TFDP2: variants seen among roughly 807,000 people sequenced by gnomAD.
TFDP2 encodes the protein transcription factor Dp-2 (E2F dimerization partner 2).
Under a neutral mutation model 59.3 loss-of-function variants are expected in TFDP2, and 17 were observed. The observed-to-expected ratio is 0.29, with a 90% confidence interval of 0.20 to 0.43. The LOEUF (loss-of-function observed/expected upper bound fraction) is 0.43. Ranked by LOEUF, TFDP2 falls within the 20% of genes least tolerant of loss-of-function variation. The probability of loss-of-function intolerance (pLI) is 1.00; values close to 1 mark genes in which losing one functional copy is unlikely to be tolerated. For synonymous variants in TFDP2, 180 were observed against 194.7 expected, an observed-to-expected ratio of 0.92 and a Z score of 0.63; for missense variants, 391 against 528.8, an observed-to-expected ratio of 0.74 and a Z score of 2.56.
intron 8 of TFDP2, among the ~76,000 whole-genome samples, chr3:141,971,224 T>C (rs79218285): frequency 0.075 from 11,313 of 151,316 alleles, 521 homozygotes; most frequent in Non-Finnish European, 0.11. Context: ...CCAATGACAT[T>C]TATTAAGAAA....
In TFDP2 at chr3:142,121,286, C is replaced by T. The variant is rs538218617; in HGVS notation, c.-92-19445G>A. Among the ~76,000 whole-genome samples the T allele has an allele frequency of 1.5e-4, 23 of 152,238 alleles. No individual in the cohort carries two copies. The highest frequency in any genetic ancestry group is 4.8e-4 in the African/African-American group (20 of 41,540). On this transcript the variant is annotated intron_variant, in intron 1 of 12. Coordinates refer to ENST00000489671, the MANE Select transcript of TFDP2 (RefSeq NM_001178139.2). This position sits in a 1 kb window ranked among gnomAD's most constrained non-coding sequence, Gnocchi z 4.3. ...ATTGTGCTCTACCCAAGAGACATAA[C>T]GGAGTCCCACCCTTCAAGAAGTTCA...
intron 3 of TFDP2, among the ~76,000 whole-genome samples, chr3:142,068,277 A>C (rs2060136540): frequency 6.6e-6 from 1 of 152,204 alleles, no homozygotes; most frequent in South Asian, 2.1e-4. Flanking sequence ...ATAAAAATCC[A>C]AAATGGATTC....
At chr3:141,975,244 TC>T (rs1940451999) in intron 7 of TFDP2, among the ~76,000 whole-genome samples, 2 of 152,070 alleles carry the variant, frequency 1.3e-5, no homozygotes, top group Admixed American at 1.3e-4. Context: ...TAAGACTTAA[TC>T]AAGGAAACCA....
In TFDP2 at chr3:142,131,959, T is replaced by TTG. The variant is rs1275282486; in HGVS notation, c.-93+17223_-93+17224insCA. 1.8e-4 allele frequency among the ~76,000 whole-genome samples: 24 copies of TTG among 132,886 alleles called. 3 individuals are homozygous for TTG. The highest frequency in any genetic ancestry group is 7.2e-4 in the African/African-American group (23 of 31,818). The allele number at this position is 132,886 out of a possible 152,430, so 87.2% of individuals were successfully genotyped here. On this transcript the variant is annotated intron_variant, in intron 1 of 12. Transcript: ENST00000489671. The stretch of plus-strand genomic sequence containing the variant: ...AGGCAGAGGTTGCAGTGAGCCAAAA[T>TTG]CGCTTCATTGCACTCGTCTGGGCAA...
At chr3:142,088,645 C>G (rs1004164645) in intron 3 of TFDP2, among the ~76,000 whole-genome samples, 4 of 138,206 alleles carry the variant, frequency 2.9e-5, no homozygotes, top group African/African-American at 8.3e-5. Context: ...GGGTCATGCT[C>G]TGTCACCCAG....
intron 3 of TFDP2, among the ~76,000 whole-genome samples, chr3:142,034,225 A>AGCTGGGATT (rs1334711557): frequency 2.0e-5 from 3 of 151,222 alleles, no homozygotes; most frequent in Non-Finnish European, 4.4e-5. Flanking sequence ...CCTCCAGAGT[A>AGCTGGGATT]GCTGGGATTA....
rs111610535 is a variant in TFDP2, at chr3:142,001,990, G to T, written c.186+3451C>A. On this transcript the variant is annotated intron_variant, in intron 4 of 12. Coordinates refer to ENST00000489671, the MANE Select transcript of TFDP2 (RefSeq NM_001178139.2). Reference sequence around the variant, plus strand: ...GAGTGGCTAGGTGCCACCATGCCTGGTTTTTTTTTTTTTTTTTTGTCTGAG... The same window carrying T: ...GAGTGGCTAGGTGCCACCATGCCTGTTTTTTTTTTTTTTTTTTTGTCTGAG... Among the ~76,000 whole-genome samples, 328 of 116,776 alleles carry T rather than the reference G, an allele frequency of 2.8e-3. 9 individuals are homozygous for T. The highest frequency in any genetic ancestry group is 0.016 in the South Asian group (62 of 3,840). The allele number at this position is 116,776 out of a possible 152,430, so 76.6% of individuals were successfully genotyped here.
chr3:142,035,255 C>T (rs1231627554), intron 3 of TFDP2, among the ~76,000 whole-genome samples: 2 of 152,186 alleles, frequency 1.3e-5, no homozygotes, highest in East Asian at 3.8e-4. Flanking sequence ...ATATGGATTC[C>T]TGCTTAAAAA....
At chr3:142,086,597 G>A (rs1477238419) in intron 3 of TFDP2, among the ~76,000 whole-genome samples, 1 of 152,092 alleles carries the variant, frequency 6.6e-6, no homozygotes, top group Non-Finnish European at 1.5e-5. Flanking sequence ...GGCAAGGTAT[G>A]GAAGGGCTCC....
Position 141,950,198 on chromosome 3 carries a change from C to G in TFDP2, c.*2315G>C, listed in dbSNP as rs1244941186. 3.3e-5 allele frequency: 5 copies of G among 152,168 alleles called. No individual in the cohort carries two copies. Among genetic ancestry groups the G allele is most frequent in the African/African-American group, 1.2e-4 (5 of 41,412 alleles). 9.4% of individuals were successfully genotyped at this position (152,168 alleles called of 1,614,324 possible). Reference sequence around the variant, plus strand: ...CCCAGATAAATGTTGAGGGGGAATACAGAAGAGAATTGACCTTTCTGAACA... The same window carrying G: ...CCCAGATAAATGTTGAGGGGGAATAGAGAAGAGAATTGACCTTTCTGAACA... On this transcript the variant is annotated 3_prime_UTR_variant, in exon 13 of 13. Coordinates refer to ENST00000489671, the MANE Select transcript of TFDP2 (RefSeq NM_001178139.2).
intron 1 of TFDP2, among the ~76,000 whole-genome samples, chr3:142,103,131 G>C (rs373491205): frequency 4.8e-4 from 73 of 152,154 alleles, no homozygotes; most frequent in African/African-American, 1.8e-3. Context: ...CTGGCTACTT[G>C]GGAGGTTGAG....
At chr3:142,131,685 T>A (rs558320253) in intron 1 of TFDP2, among the ~76,000 whole-genome samples, 1 of 150,268 alleles carries the variant, frequency 6.7e-6, no homozygotes, top group East Asian at 1.9e-4. Context: ...TAGTAAGAAA[T>A]GCGTAACGCC....
At chr3:142,055,971 T>G (rs1393685226) in intron 3 of TFDP2, among the ~76,000 whole-genome samples, 2 of 76,894 alleles carry the variant, frequency 2.6e-5, no homozygotes, top group Non-Finnish European at 4.8e-5. Context: ...TTTTTTTTTT[T>G]GAGACAGAGT....
chr3:142,018,122 C>T (rs960281542), intron 3 of TFDP2, among the ~76,000 whole-genome samples: 1 of 151,930 alleles, frequency 6.6e-6, no homozygotes, highest in African/African-American at 2.4e-5. Context: ...TTTATACTTT[C>T]AGTAGAGACA....
chr3:141,986,861 C>T (rs1375057894), intron 6 of TFDP2, among the ~76,000 whole-genome samples: 1 of 152,054 alleles, frequency 6.6e-6, no homozygotes, highest in African/African-American at 2.4e-5. Flanking sequence ...AGTGGTATTG[C>T]ACTGTGGTTT....
intron 3 of TFDP2, among the ~76,000 whole-genome samples, chr3:142,086,969 G>C (rs1038510315): frequency 1.3e-5 from 2 of 152,116 alleles, no homozygotes; most frequent in Non-Finnish European, 2.9e-5. Flanking sequence ...AAATTACAAA[G>C]GTCTTAGGAG....
intron 3 of TFDP2, among the ~76,000 whole-genome samples, chr3:142,019,963 A>G (rs1370212626): frequency 6.6e-6 from 1 of 152,250 alleles, no homozygotes; most frequent in African/African-American, 2.4e-5. Context: ...AAGTAGTGTC[A>G]GAGCATTTCC....
At chr3:142,029,845 T>C (rs568761455) in intron 3 of TFDP2, among the ~76,000 whole-genome samples, 3 of 152,328 alleles carry the variant, frequency 2.0e-5, no homozygotes, top group Non-Finnish European at 4.4e-5. Flanking sequence ...CAGTAGTGAA[T>C]GCAACAGACA....
chr3:142,019,052 CA>C (rs530782367), intron 3 of TFDP2, among the ~76,000 whole-genome samples: 1,968 of 56,644 alleles, frequency 0.035, 25 homozygotes, highest in Middle Eastern at 0.068. Flanking sequence ...ATTCTTCGCA[CA>C]TTTTTTTTTT....
Sources: allele counts gnomAD v4.1 joint callset (sites outside exome capture counted in the v4.1 genomes callset), GRCh38; gene constraint gnomAD v4.1.1; non-coding constraint Gnocchi (gnomAD v3.1); transcripts MANE v1.5; gene names NCBI Gene and HGNC (gene_info 2026-07-23, HGNC 2026-07-21).